ANKS3: variants seen among roughly 807,000 people sequenced by gnomAD.
ANKS3 encodes the protein ankyrin repeat and SAM domain-containing protein 3.
A neutral mutation model predicts 80.7 loss-of-function variants in ANKS3; 62 were observed. That is an observed-to-expected ratio of 0.77 (90% CI 0.63 to 0.95). The LOEUF (loss-of-function observed/expected upper bound fraction) is 0.95. ANKS3 is among the 40% of genes least tolerant of loss of function. The pLI, the probability that ANKS3 is intolerant of heterozygous loss-of-function variation, is 0.00. For synonymous variants in ANKS3, 489 were observed against 355.3 expected (o/e 1.38, Z -4.23); for missense variants, 1,150 against 883.6 (o/e 1.30, Z -3.82).
intron 15 of ANKS3, among the ~76,000 whole-genome samples, chr16:4,697,704 G>C (rs924081564): frequency 6.6e-6 from 1 of 152,214 alleles, no homozygotes; most frequent in East Asian, 1.9e-4. Flanking sequence ...AGTCACTGGC[G>C]GTCTCAGCAC....
At chr16:4,714,355 A>C (rs1731640077) in intron 6 of ANKS3, 169 bp from the exon 7 acceptor site, 1 of 1,009,964 alleles carries the variant, frequency 9.9e-7, no homozygotes, top group Non-Finnish European at 1.4e-6. Flanking sequence ...CACCGCAGCC[A>C]CAAGTTTTGC....
chr16:4,726,622 AGGCCAC>A, intron 5 of ANKS3, 31 bp downstream of exon 5: 1 of 1,599,654 alleles, frequency 6.3e-7, no homozygotes, highest in Non-Finnish European at 8.6e-7. Flanking sequence ...GATGACACCT[AGGCCAC>A]TCCTGTGGCC....
chr16:4,727,377 G>T, intron 3 of ANKS3, 200 bp from the exon 4 acceptor site: 1 of 617,372 alleles, frequency 1.6e-6, no homozygotes, highest in Non-Finnish European at 2.9e-6. Context: ...GAGGCCCTGA[G>T]CCTTCGTCTC....
In ANKS3 at chr16:4,730,059, C is replaced by T. The variant is rs766618907; in HGVS notation, c.91G>A (p.Glu31Lys). The change falls in exon 3 of 18, where the codon GAG becomes AAG. Residue 31 changes from glutamate (E) to lysine (K), a missense_variant. By Grantham distance (56) the Glu-to-Lys change is moderately conservative (BLOSUM62 1). Transcript: ENST00000304283. ...AGATCCAGGGGGACATCCAGCTCCT[C>T]CCCGCTGACCTGTGTCCCGAGCCCG... Reference protein sequence around the residue: ...WHGLGTQVSGEELDVPLDLHT... With the variant: ...WHGLGTQVSGKELDVPLDLHT... 1.3e-5 allele frequency: 21 copies of T among 1,590,678 alleles called. No individual in the cohort carries two copies. In the East Asian group the frequency reaches 2.3e-4, roughly 18 times the overall value.
intron 6 of ANKS3, among the ~76,000 whole-genome samples, chr16:4,721,834 C>G (rs2081118813): frequency 6.6e-6 from 1 of 150,892 alleles, no homozygotes; most frequent in Non-Finnish European, 1.5e-5. Flanking sequence ...GCGGGTTTCA[C>G]CACCTTGGCC....
chr16:4,706,971 C>A (rs1163051050), intron 7 of ANKS3, among the ~76,000 whole-genome samples: 1 of 152,160 alleles, frequency 6.6e-6, no homozygotes, highest in Non-Finnish European at 1.5e-5. Context: ...TCTGTCCTTC[C>A]CCATGACGAG....
chr16:4,722,817 C>G (rs2081170874), intron 6 of ANKS3, among the ~76,000 whole-genome samples: 1 of 150,962 alleles, frequency 6.6e-6, no homozygotes, highest in South Asian at 2.1e-4. Context: ...ACTCGGGAGG[C>G]TGAGGCAGAA....
chr16:4,726,837 G>A (rs2081378972), intron 4 of ANKS3, 57 bp from the exon 5 acceptor site: 12 of 1,599,166 alleles, frequency 7.5e-6, no homozygotes, highest in East Asian at 4.5e-5. Context: ...TGGGGCGGGC[G>A]CCCTCCAGGC....
intron 6 of ANKS3, among the ~76,000 whole-genome samples, chr16:4,722,686 G>C (rs1217617034): frequency 1.3e-5 from 2 of 152,012 alleles, no homozygotes; most frequent in African/African-American, 2.4e-5. Flanking sequence ...GGGAGGCTAA[G>C]GTGGGTGGAT....
rs1287062412 is a variant in ANKS3 at position 4,699,127 on chromosome 16, A to G, written c.1334T>C (p.Val445Ala). 4 of 1,613,896 alleles carry G rather than the reference A, an allele frequency of 2.5e-6. No homozygotes were observed. Among genetic ancestry groups the G allele is most frequent in the Non-Finnish European group, 3.4e-6 (4 of 1,179,986 alleles). ...GAGGTCCACGTCCTGCTCCTCAAAC[A>G]CCTGCAGGTACTTCAGACACCCGAT... ...EQIGCLKYLQ[V>A]FEEQDVDLRI... The change falls in exon 12 of 18, where the codon GTG becomes GCG. Residue 445 changes from valine to alanine, a missense_variant. Transcript: ENST00000304283.
intron 8 of ANKS3, among the ~76,000 whole-genome samples, chr16:4,703,907 C>T (rs1037680466): frequency 6.6e-6 from 1 of 152,192 alleles, no homozygotes; most frequent in African/African-American, 2.4e-5. Context: ...ATTTGTTGTA[C>T]AGCTATATAG....
intron 3 of ANKS3, chr16:4,727,425 C>T: frequency 1.8e-6 from 1 of 565,506 alleles, no homozygotes; most frequent in Non-Finnish European, 3.2e-6. Flanking sequence ...CCAAGGCCAG[C>T]TATGCTCTTT....
At chr16:4,706,458 A>G (rs1214199953) in intron 7 of ANKS3, among the ~76,000 whole-genome samples, 1 of 152,104 alleles carries the variant, frequency 6.6e-6, no homozygotes, top group Admixed American at 6.6e-5. Context: ...GCTGGTCTCG[A>G]TCTCCTGACC....
intron 3 of ANKS3, chr16:4,728,008 T>A (rs1050630373): frequency 1.3e-5 from 2 of 152,172 alleles, no homozygotes; most frequent in Non-Finnish European, 2.9e-5. Context: ...TAACAACTGG[T>A]GACTGAACCC....
intron 1 of ANKS3, 122 bp from the exon 2 acceptor site, chr16:4,731,701 T>A: frequency 2.5e-6 from 1 of 394,432 alleles, no homozygotes; most frequent in Non-Finnish European, 3.4e-6. Context: ...CAAACCAGGA[T>A]GTGACTGGTG....
chr16:4,719,770 G>C (rs2080991494), intron 6 of ANKS3, among the ~76,000 whole-genome samples: 2 of 152,122 alleles, frequency 1.3e-5, no homozygotes, highest in Admixed American at 6.5e-5. Context: ...CTGCACTCTA[G>C]TGTGGTGACA....
rs1159152488 is a variant in ANKS3, at chr16:4,702,124, G to C, written c.987C>G (p.Ser329Arg). The C allele has an allele frequency of 1.3e-6, 2 of 1,595,182 alleles. No homozygotes were observed. The highest frequency in any genetic ancestry group is 4.6e-5 in the East Asian group (2 of 43,846). Reference sequence around the variant, plus strand: ...TACCCCGACTGCTGCTGCTGCTGCTGCTCTCCACATCCCGCTCATTGATGG... The same window carrying C: ...TACCCCGACTGCTGCTGCTGCTGCTCCTCTCCACATCCCGCTCATTGATGG... ...TSPINERDVE[S>R]SSSSSSREEH... Residue 329 changes from serine to arginine, a missense_variant, in exon 9 of 18, where the codon AGC becomes AGG. Physicochemically the swap from Ser to Arg is moderately radical, Grantham distance 110 (BLOSUM62 -1). Coordinates refer to ENST00000304283, the MANE Select transcript of ANKS3 (RefSeq NM_133450.4).
At chr16:4,699,204 G>A in intron 11 of ANKS3, 28 bp from the exon 12 acceptor site, 1 of 1,612,692 alleles carries the variant, frequency 6.2e-7, no homozygotes, top group Non-Finnish European at 8.5e-7. Context: ...CAGGTTGGGG[G>A]AGGTAGTGGC....
At chr16:4,702,843 A>C (rs1003153184) in intron 8 of ANKS3, among the ~76,000 whole-genome samples, 1 of 152,132 alleles carries the variant, frequency 6.6e-6, no homozygotes, top group African/African-American at 2.4e-5. Flanking sequence ...CCTTTACATA[A>C]AAAGACTGAC....
Sources: gnomAD v4.1 joint callset for allele counts (sites outside exome capture counted in the v4.1 genomes callset) on GRCh38, gnomAD v4.1.1 for gene constraint, MANE v1.5 for transcripts, NCBI Gene and HGNC (gene_info 2026-07-23, HGNC 2026-07-21) for gene names.